The following GRM8 variants were observed in gnomAD, a reference collection of about 807,000 sequenced individuals.
The protein encoded by GRM8 is glutamate metabotropic receptor 8.
GRM8 carries 47 observed loss-of-function variants against 87.2 expected under a neutral mutation model. The ratio of observed to expected loss-of-function variants is 0.54; its 90% CI spans 0.43 to 0.69. The LOEUF (loss-of-function observed/expected upper bound fraction) is 0.69, where lower values mean the gene tolerates loss of function less well. GRM8 is among the 30% of genes least tolerant of loss of function. GRM8 has a pLI of 0.00. For synonymous variants in GRM8, 396 were observed against 404.5 expected, an observed-to-expected ratio of 0.98 and a Z score of 0.25; for missense variants, 1,019 against 1,139.2, an observed-to-expected ratio of 0.89 and a Z score of 1.52.
intron 2 of GRM8, among the ~76,000 whole-genome samples, chr7:127,157,015 T>C (rs1279977763): frequency 6.6e-6 from 1 of 152,100 alleles, no homozygotes; most frequent in Non-Finnish European, 1.5e-5. Context: ...AATATACAAG[T>C]GTCCACATCT....
intron 2 of GRM8, among the ~76,000 whole-genome samples, chr7:127,112,559 T>G (rs973364390): frequency 6.6e-6 from 1 of 151,648 alleles, no homozygotes; most frequent in African/African-American, 2.4e-5. Context: ...TTTTCTTCCA[T>G]GTATCCTAAC....
intron 9 of GRM8, among the ~76,000 whole-genome samples, chr7:126,459,869 CAG>C (rs1295299962): frequency 6.6e-6 from 1 of 151,522 alleles, no homozygotes; most frequent in Non-Finnish European, 1.5e-5. Flanking sequence ...CTCAAAGACT[CAG>C]AACCCTTTCT....
chr7:126,649,693 C>A (rs971862636), intron 7 of GRM8, among the ~76,000 whole-genome samples: 1 of 152,140 alleles, frequency 6.6e-6, no homozygotes, highest in Non-Finnish European at 1.5e-5. Flanking sequence ...AGAGGCACAG[C>A]GCCTAATGGG....
chr7:126,551,687 T>A (rs1331156609), intron 8 of GRM8, among the ~76,000 whole-genome samples: 2 of 70,712 alleles, frequency 2.8e-5, no homozygotes, highest in Admixed American at 2.7e-4. Flanking sequence ...CATACGTAAT[T>A]TTTTTTTTTA....
rs75703849 is a variant in GRM8 at position 126,448,507 on chromosome 7, T to C, written c.2431-2135A>G. On this transcript the variant is annotated intron_variant, in intron 9 of 10. Coordinates refer to ENST00000339582, the MANE Select transcript of GRM8 (RefSeq NM_000845.3). The stretch of plus-strand genomic sequence containing the variant: ...ATTTAATCCTGCCAAATATTAGACA[T>C]GAAGAGGACTTTGGAATGCTAGCTT... Among the ~76,000 whole-genome samples, 862 of 152,070 alleles carry C rather than the reference T, an allele frequency of 5.7e-3. 8 individuals carry two copies. The highest frequency in any genetic ancestry group is 0.019 in the African/African-American group (784 of 41,544).
chr7:126,865,524 G>C (rs1045830553), intron 6 of GRM8, among the ~76,000 whole-genome samples: 2 of 152,094 alleles, frequency 1.3e-5, no homozygotes, highest in Non-Finnish European at 2.9e-5. Context: ...ATTTTAGAAC[G>C]TTTTTATTAC....
chr7:126,716,431 G>A (rs1224083059), intron 7 of GRM8, among the ~76,000 whole-genome samples: 2 of 152,180 alleles, frequency 1.3e-5, no homozygotes. Flanking sequence ...GATCAGTTAG[G>A]CTTGTAATAG....
intron 2 of GRM8, among the ~76,000 whole-genome samples, chr7:127,201,103 C>G (rs904217270): frequency 6.6e-6 from 1 of 152,158 alleles, no homozygotes; most frequent in African/African-American, 2.4e-5. Context: ...TTGATACTCA[C>G]AAGCACAAAT....
intron 8 of GRM8, among the ~76,000 whole-genome samples, chr7:126,602,800 A>G (rs1366717851): frequency 6.7e-6 from 1 of 150,122 alleles, no homozygotes; most frequent in East Asian, 2.0e-4. Flanking sequence ...GAATTCTACC[A>G]GAGGTACAAG....
intron 3 of GRM8, among the ~76,000 whole-genome samples, chr7:127,048,493 G>A (rs1819159801): frequency 6.6e-6 from 1 of 152,264 alleles, no homozygotes; most frequent in African/African-American, 2.4e-5. Flanking sequence ...CCATTGTGGT[G>A]AGTACAGTTT....
At chr7:127,233,617 C>A (rs1797820671) in intron 2 of GRM8, among the ~76,000 whole-genome samples, 2 of 152,190 alleles carry the variant, frequency 1.3e-5, no homozygotes, top group Non-Finnish European at 2.9e-5. Context: ...CCCAAAGAAG[C>A]CTCAGTGGCA....
intron 3 of GRM8, among the ~76,000 whole-genome samples, chr7:127,025,742 T>C (rs949012337): frequency 6.6e-6 from 1 of 152,090 alleles, no homozygotes; most frequent in African/African-American, 2.4e-5. Context: ...GACTCTATTT[T>C]CTCTATTAGC....
chr7:127,016,208 A>G (rs999518960), intron 3 of GRM8, among the ~76,000 whole-genome samples: 2 of 152,080 alleles, frequency 1.3e-5, no homozygotes, highest in East Asian at 3.9e-4. Context: ...ACATCCACCA[A>G]TAAAGAGGAA....
intron 3 of GRM8, among the ~76,000 whole-genome samples, chr7:126,952,532 G>T (rs6966220): frequency 4.3e-4 from 65 of 152,108 alleles, no homozygotes; most frequent in African/African-American, 1.5e-3. Context: ...TTTCTTAACA[G>T]TAGGAGAAAA....
At chr7:126,573,389 G>T (rs1241083127) in intron 8 of GRM8, among the ~76,000 whole-genome samples, 3 of 151,998 alleles carry the variant, frequency 2.0e-5, no homozygotes, top group Non-Finnish European at 4.4e-5. Flanking sequence ...ATTTTTTAAT[G>T]AAACAGGGAG....
intron 9 of GRM8, among the ~76,000 whole-genome samples, chr7:126,524,292 C>T (rs1048543474): frequency 6.6e-6 from 1 of 152,098 alleles, no homozygotes; most frequent in Admixed American, 6.5e-5. Context: ...ATTTTCTGGG[C>T]CATTTACATT....
intron 6 of GRM8, among the ~76,000 whole-genome samples, chr7:126,900,992 C>A (rs13233035): frequency 2.6e-5 from 4 of 152,216 alleles, no homozygotes; most frequent in Non-Finnish European, 4.4e-5. Context: ...TGTGTCCTAC[C>A]GGTAGAATAA....
chr7:126,523,002 C>G lies in GRM8; in HGVS notation c.2430+9950G>C, dbSNP rs573675870. Among the ~76,000 whole-genome samples, 6 of 152,238 alleles carry G rather than the reference C, an allele frequency of 3.9e-5. No individual in the cohort carries two copies. In the South Asian group the frequency reaches 1.2e-3, roughly 32 times the overall value. On this transcript the variant is annotated intron_variant, in intron 9 of 10. Transcript: ENST00000339582. ...TTAATAAATACTTTTGATGAAATGC[C>G]ATCATCAGCTATAAGCTGACACTTA...
chr7:126,759,382 T>C (rs1817352688), intron 7 of GRM8, among the ~76,000 whole-genome samples: 1 of 139,262 alleles, frequency 7.2e-6, no homozygotes, highest in South Asian at 2.3e-4. Context: ...TTCCATTAAA[T>C]ACGTTCCATC....
Sources: allele counts gnomAD v4.1 joint callset (sites outside exome capture counted in the v4.1 genomes callset), GRCh38; gene constraint gnomAD v4.1.1; transcripts MANE v1.5; gene names NCBI Gene and HGNC (gene_info 2026-07-23, HGNC 2026-07-21).